NPRL3: variants seen among roughly 807,000 people sequenced by gnomAD.
NPRL3 encodes GATOR1 complex protein NPRL3.
Under a neutral mutation model 57.2 loss-of-function variants are expected in NPRL3, and 23 were observed. The observed-to-expected ratio is 0.40, with a 90% CI of 0.29 to 0.57. The LOEUF (loss-of-function observed/expected upper bound fraction) is 0.57. Among genes scored for constraint, NPRL3 ranks in the 20% least tolerant of loss-of-function variants. NPRL3 has a pLI of 0.42. For synonymous variants in NPRL3, 333 were observed against 321.1 expected, an observed-to-expected ratio of 1.04 and a Z score of -0.39; for missense variants, 691 against 767.1, an observed-to-expected ratio of 0.90 and a Z score of 1.17.
chr16:91,358 G>A (rs1898757162), intron 11 of NPRL3, among the ~76,000 whole-genome samples: 1 of 152,132 alleles, frequency 6.6e-6, no homozygotes, highest in Admixed American at 6.5e-5. Context: ...AGCCTGACGT[G>A]CAATCAAAAT....
intron 2 of NPRL3, among the ~76,000 whole-genome samples, chr16:134,762 C>A (rs1475536972): frequency 7.6e-6 from 1 of 132,446 alleles, no homozygotes; most frequent in Non-Finnish European, 1.5e-5. Flanking sequence ...AGTGCAGTGG[C>A]GCGATCTCGG....
intron 3 of NPRL3, chr16:119,467 T>C: frequency 1.7e-6 from 1 of 586,484 alleles, no homozygotes; most frequent in East Asian, 2.8e-5. Flanking sequence ...GTAAAAGGCA[T>C]GAGAAGCACA....
intron 7 of NPRL3, among the ~76,000 whole-genome samples, chr16:102,345 G>A (rs577612863): frequency 3.3e-5 from 5 of 152,246 alleles, no homozygotes; most frequent in South Asian, 2.1e-4. Flanking sequence ...GGCCTTCACC[G>A]CATCCCCGGA....
chr16:89,969 G>A (rs915663791), intron 11 of NPRL3, 67 bp from the exon 12 acceptor site: 11 of 1,439,622 alleles, frequency 7.6e-6, no homozygotes, highest in South Asian at 1.3e-5. Context: ...TGATCAGGGA[G>A]CCATGGCCCT....
At chr16:131,884 AACTGTACCAC>A (rs1218061258) in intron 2 of NPRL3, among the ~76,000 whole-genome samples, 16 of 152,300 alleles carry the variant, frequency 1.1e-4, no homozygotes, top group African/African-American at 3.8e-4. Flanking sequence ...AATGCTCTCA[AACTGTACCAC>A]TGCTTTATCA....
chr16:133,708 T>C (rs1201116915), intron 2 of NPRL3, among the ~76,000 whole-genome samples: 1 of 152,258 alleles, frequency 6.6e-6, no homozygotes, highest in East Asian at 1.9e-4. Context: ...CCTTTGCATT[T>C]ACCATTTGGC....
intron 9 of NPRL3, 116 bp from the exon 10 acceptor site, chr16:93,441 C>A: frequency 1.4e-6 from 1 of 706,356 alleles, no homozygotes; most frequent in South Asian, 1.6e-5. Flanking sequence ...TGGCCCCAGC[C>A]TCATGCAGAA....
Position 110,609 on chromosome 16 carries a change from A to G in NPRL3, c.548-3T>C, listed in dbSNP as rs1234726268. 2.5e-6 allele frequency: 4 copies of G among 1,603,834 alleles called. No individual in the cohort carries two copies. Among genetic ancestry groups the G allele is most frequent in the Non-Finnish European group, 3.4e-6 (4 of 1,174,600 alleles). On this transcript the variant is annotated splice_region_variant and splice_polypyrimidine_tract_variant and intron_variant, in intron 6 of 13. Coordinates refer to ENST00000611875, the MANE Select transcript of NPRL3 (RefSeq NM_001077350.3). Reference sequence around the variant, plus strand: ...TGGGGACTGAGGACCTTCATTTCCTACAAGAATCACAACACAAGATTTACA... The same window carrying G: ...TGGGGACTGAGGACCTTCATTTCCTGCAAGAATCACAACACAAGATTTACA...
In NPRL3 at chr16:89,765, C is replaced by G; in HGVS notation, c.1299G>C (p.Arg433=). The part of the protein sequence containing the change: ...PREDDVPFTA[R]VGGRSLSTPN... ...GCGTGCTGAGGCTGCGACCGCCGAC[C>G]CGGGCAGTGAAGGGGACGTCGTCCT... The change falls in exon 12 of 14, where the codon CGG becomes CGC. Residue 433 remains arginine (R), a synonymous_variant. Transcript: ENST00000611875. The G allele has an allele frequency of 1.9e-6, 3 of 1,598,808 alleles. No homozygotes were observed. Among genetic ancestry groups the G allele is most frequent in the Non-Finnish European group, 2.6e-6 (3 of 1,174,616 alleles).
intron 11 of NPRL3, 39 bp from the exon 12 acceptor site, chr16:89,941 C>T: frequency 1.3e-6 from 2 of 1,514,624 alleles, no homozygotes; most frequent in East Asian, 2.5e-5. Flanking sequence ...CCCCTCCCCA[C>T]TCCAACTTCC....
intron 3 of NPRL3, among the ~76,000 whole-genome samples, chr16:120,502 A>G (rs1900236809): frequency 1.3e-5 from 2 of 152,148 alleles, no homozygotes; most frequent in African/African-American, 4.8e-5. Flanking sequence ...GATTCTTTCC[A>G]AGTCTATCAT....
At chr16:129,220 G>A (rs1327154992) in intron 3 of NPRL3, among the ~76,000 whole-genome samples, 1 of 152,172 alleles carries the variant, frequency 6.6e-6, no homozygotes. Flanking sequence ...GCTAATGTGG[G>A]GGGTGGCCAG....
At chr16:93,467 T>C (rs963482167) in intron 9 of NPRL3, 142 bp from the exon 10 acceptor site, 10 of 640,818 alleles carry the variant, frequency 1.6e-5, no homozygotes, top group Non-Finnish European at 2.5e-5. Flanking sequence ...CTGGTGGCTA[T>C]GGCCCGAGAC....
intron 7 of NPRL3, among the ~76,000 whole-genome samples, chr16:103,583 G>A (rs1899404496): frequency 6.6e-6 from 1 of 152,108 alleles, no homozygotes; most frequent in South Asian, 2.1e-4. Flanking sequence ...CTTATGACAT[G>A]TGCTGTGGCT....
intron 9 of NPRL3, 76 bp from the exon 10 acceptor site, chr16:93,401 G>A (rs1898849587): frequency 1.1e-6 from 1 of 947,866 alleles, no homozygotes; most frequent in Non-Finnish European, 1.7e-6. Flanking sequence ...TCTCAGCCTG[G>A]GTGGCCATGG....
chr16:110,966 TTAAAA>T (rs1424271668), intron 6 of NPRL3, among the ~76,000 whole-genome samples: 4 of 152,174 alleles, frequency 2.6e-5, no homozygotes, highest in African/African-American at 4.8e-5. Flanking sequence ...ATACATAGAC[TTAAAA>T]TAAAATTTCT....
chr16:123,252 G>A (rs1437024901), intron 3 of NPRL3, among the ~76,000 whole-genome samples: 1 of 152,162 alleles, frequency 6.6e-6, no homozygotes, highest in African/African-American at 2.4e-5. Flanking sequence ...CCTGGTCCCA[G>A]AAGTCTCCCG....
chr16:111,241 A>T (rs528222357), intron 6 of NPRL3, among the ~76,000 whole-genome samples: 2 of 152,008 alleles, frequency 1.3e-5, no homozygotes, highest in South Asian at 4.2e-4. Context: ...CCTACTAAAA[A>T]TACAAAAAAT....
At position 130,528 on chromosome 16, in the gene NPRL3, T is replaced by A. The variant is rs779065782; in HGVS notation, c.182A>T (p.Asp61Val). 1 of 1,551,994 alleles carries A rather than the reference T, an allele frequency of 6.4e-7. No individual in the cohort carries two copies. The highest frequency in any genetic ancestry group is 1.2e-5 in the South Asian group (1 of 84,208). Residue 61 changes from aspartate to valine, a missense_variant, in exon 3 of 14, where the codon GAT (aspartate) becomes GTT (valine). Asp to Val is a radical substitution (Grantham distance 152, BLOSUM62 -3). Coordinates refer to ENST00000611875, the MANE Select transcript of NPRL3 (RefSeq NM_001077350.3). The part of the protein sequence containing the change: ...TGDHADEQDG[D>V]SRFSDVILAT... ...GTGGCCGCAGAGCCTTTACCTGGAA[T>A]CGCCGTCCTGCTCATCAGCATGGTC...
Sources: gnomAD v4.1 joint callset for allele counts (sites outside exome capture counted in the v4.1 genomes callset) on GRCh38, gnomAD v4.1.1 for gene constraint, MANE v1.5 for transcripts, NCBI Gene and HGNC (gene_info 2026-07-23, HGNC 2026-07-21) for gene names.